The following GASK1B variants were observed in gnomAD, a reference collection of about 807,000 sequenced individuals.
GASK1B encodes Golgi-associated kinase 1B.
Under a neutral mutation model 42.8 loss-of-function variants are expected in GASK1B, and 34 were observed. The ratio of observed to expected loss-of-function variants is 0.79; its 90% confidence interval spans 0.60 to 1.06. The LOEUF (loss-of-function observed/expected upper bound fraction) is 1.06. Among genes scored for constraint, GASK1B ranks in the 50% least tolerant of loss-of-function variants. The pLI is 0.00. For synonymous variants in GASK1B, 262 were observed against 259.1 expected, an observed-to-expected ratio of 1.01 and a Z score of -0.11; for missense variants, 686 against 661.0, an observed-to-expected ratio of 1.04 and a Z score of -0.42.
In GASK1B at chr4:158,124,570, T is replaced by A. The variant is rs1428862050; in HGVS notation, c.*2837A>T. ...TGCTGACATAAACATAAGAATTTCA[T>A]AAGACAGTGTGTAAATAAATCTACT... is the stretch of plus-strand genomic sequence containing the variant. On this transcript the variant is annotated 3_prime_UTR_variant, in exon 5 of 5. Transcript: ENST00000585682. 1 of 152,214 alleles carries A rather than the reference T, an allele frequency of 6.6e-6. No individual in the cohort carries two copies. The allele number at this position is 152,214 out of a possible 1,614,324, so 9.4% of individuals were successfully genotyped here.
intron 4 of GASK1B, among the ~76,000 whole-genome samples, chr4:158,130,313 CTGTCA>C (rs1730627905): frequency 1.3e-5 from 2 of 152,212 alleles, no homozygotes; most frequent in Non-Finnish European, 2.9e-5. Context: ...ACCAGATTGG[CTGTCA>C]TTTTCCACTG....
chr4:158,170,922 G>A lies in GASK1B; in HGVS notation c.454C>T (p.Pro152Ser). The A allele has an allele frequency of 6.2e-7, 1 of 1,614,250 alleles. No individual in the cohort carries two copies. Among genetic ancestry groups the A allele is most frequent in the East Asian group, 2.2e-5 (1 of 44,870 alleles). ...TCAGCTTCCCTTGCCGCTTCCTGCG[G>A]CTGAAGGGATGGTCCGACCAAAGCC... is the stretch of plus-strand genomic sequence containing the variant. ...QEALVGPSLQ[P>S]QEAAREADAV... Residue 152 changes from proline (P) to serine (S), a missense_variant, in exon 2 of 5, where the codon CCG (proline) becomes TCG (serine). Pro to Ser is a moderately conservative substitution (Grantham distance 74). Coordinates refer to ENST00000585682, the MANE Select transcript of GASK1B (RefSeq NM_001128424.2).
chr4:158,130,673 C>T, intron 4 of GASK1B, 113 bp downstream of exon 4: 1 of 846,470 alleles, frequency 1.2e-6, no homozygotes, highest in Non-Finnish European at 1.8e-6. Flanking sequence ...ATTCCACATT[C>T]ACAATTATTT....
chr4:158,159,106 C>T (rs964953665), intron 2 of GASK1B, among the ~76,000 whole-genome samples: 7 of 152,056 alleles, frequency 4.6e-5, no homozygotes, highest in African/African-American at 1.7e-4. Context: ...AATTAATAGC[C>T]TATGTTTTTC....
rs530388674 is a variant in GASK1B, at chr4:158,152,527, G to A, written c.1125+3084C>T. Among the ~76,000 whole-genome samples, 22 of 151,312 alleles carry A rather than the reference G, an allele frequency of 1.5e-4. No individual in the cohort carries two copies. In the South Asian group the frequency reaches 4.6e-3, roughly 32 times the overall value. On this transcript the variant is annotated intron_variant, in intron 3 of 4. Transcript: ENST00000585682. ...AGTATCACCCCAATAGGAAAACCAG[G>A]AAAGGACACAACAAAAAAAAAAGAG...
chr4:158,139,002 G>C (rs1374529541), intron 3 of GASK1B, among the ~76,000 whole-genome samples: 1 of 152,054 alleles, frequency 6.6e-6, no homozygotes, highest in Non-Finnish European at 1.5e-5. Flanking sequence ...AAATATTTCA[G>C]AACTCTGCTA....
rs995744673 is a variant in GASK1B at position 158,131,550 on chromosome 4, G to A, written c.1126-538C>T. Among the ~76,000 whole-genome samples, 17 of 152,210 alleles carry A rather than the reference G, an allele frequency of 1.1e-4. 1 individual carries two copies. The highest frequency in any genetic ancestry group is 1.1e-3 in the Admixed American group (17 of 15,284). Reference sequence around the variant, plus strand: ...TGAGACCAAATCATAAAACCTAAAAGCACTATCTAAATGGAGGCCACAGCT... The same window carrying A: ...TGAGACCAAATCATAAAACCTAAAAACACTATCTAAATGGAGGCCACAGCT... On this transcript the variant is annotated intron_variant, in intron 3 of 4. Coordinates refer to ENST00000585682, the MANE Select transcript of GASK1B (RefSeq NM_001128424.2).
intron 3 of GASK1B, among the ~76,000 whole-genome samples, chr4:158,139,747 T>G (rs1244272322): frequency 6.6e-6 from 1 of 152,220 alleles, no homozygotes. Context: ...GAACTTGCTA[T>G]GCTTTCCAAA....
intron 3 of GASK1B, among the ~76,000 whole-genome samples, chr4:158,149,355 A>G (rs528774136): frequency 2.0e-5 from 3 of 152,236 alleles, no homozygotes; most frequent in Non-Finnish European, 4.4e-5. Context: ...TTTCTTCACT[A>G]TAACACACAA....
At position 158,170,490 on chromosome 4, in the gene GASK1B, T is replaced by G. The variant is rs112344767; in HGVS notation, c.886A>C (p.Ser296Arg). Residue 296 changes from serine to arginine, a missense_variant, in exon 2 of 5, where the codon AGC becomes CGC. Ser to Arg is a moderately radical substitution (Grantham distance 110). Transcript: ENST00000585682. ...LGLNRTLPSV[S>R]RKAEFIQDGR... ...CCTTGGATGAACTCTGCTTTCCTGC[T>G]CACAGACGGCAGGGTCCTGTTGAGC... 2 of 1,614,130 alleles carry G rather than the reference T, an allele frequency of 1.2e-6. No homozygotes were observed. Among genetic ancestry groups the G allele is most frequent in the Admixed American group, 1.7e-5 (1 of 60,012 alleles).
At chr4:158,162,881 G>A (rs969665971) in intron 2 of GASK1B, among the ~76,000 whole-genome samples, 2 of 152,178 alleles carry the variant, frequency 1.3e-5, no homozygotes, top group Admixed American at 6.5e-5. Context: ...AAGGGATAGC[G>A]GGAGGCAGTA....
intron 3 of GASK1B, among the ~76,000 whole-genome samples, chr4:158,155,024 T>C (rs1731705627): frequency 1.3e-5 from 2 of 152,010 alleles, no homozygotes; most frequent in Non-Finnish European, 2.9e-5. Context: ...AAAATTAAAA[T>C]TAAAAAATAA....
chr4:158,160,418 T>C (rs1017168665), intron 2 of GASK1B, among the ~76,000 whole-genome samples: 3 of 152,090 alleles, frequency 2.0e-5, no homozygotes, highest in Non-Finnish European at 1.5e-5. Context: ...TCACCCCTGT[T>C]AGAAGGGCTA....
intron 3 of GASK1B, among the ~76,000 whole-genome samples, chr4:158,136,101 T>C (rs567898822): frequency 2.0e-5 from 3 of 152,204 alleles, no homozygotes; most frequent in Non-Finnish European, 2.9e-5. Context: ...TAACTTTGCA[T>C]TATCTCATCA....
chr4:158,162,058 G>A (rs145501453), intron 2 of GASK1B, among the ~76,000 whole-genome samples: 14 of 152,188 alleles, frequency 9.2e-5, no homozygotes, highest in Non-Finnish European at 1.5e-4. Flanking sequence ...GCTTTCACAC[G>A]TTTTTCATAG....
At chr4:158,127,766 C>G (rs1428513512) in intron 4 of GASK1B, 152 bp from the exon 5 acceptor site, 1 of 646,860 alleles carries the variant, frequency 1.5e-6, no homozygotes, top group East Asian at 2.7e-5. Context: ...CAAGATGACA[C>G]TTCTCTTAAT....
intron 3 of GASK1B, among the ~76,000 whole-genome samples, chr4:158,141,597 CTTTTTTTTTTTTT>C (rs199530247): frequency 1.8e-5 from 2 of 113,694 alleles, no homozygotes; most frequent in Non-Finnish European, 3.5e-5. Flanking sequence ...TTGTATTTAC[CTTTTTTTTTTTTT>C]TTTTTTTTTT....
chr4:158,147,389 T>C (rs897947563), intron 3 of GASK1B, among the ~76,000 whole-genome samples: 8 of 152,004 alleles, frequency 5.3e-5, no homozygotes, highest in African/African-American at 1.9e-4. Context: ...TCACTTGAGC[T>C]CCAGAGTTTG....
chr4:158,150,503 T>C (rs886246224), intron 3 of GASK1B, among the ~76,000 whole-genome samples: 1 of 152,154 alleles, frequency 6.6e-6, no homozygotes, highest in Non-Finnish European at 1.5e-5. Context: ...CCACCTACTA[T>C]ATCATAAGTA....
Sources: allele counts gnomAD v4.1 joint callset (sites outside exome capture counted in the v4.1 genomes callset), GRCh38; gene constraint gnomAD v4.1.1; transcripts MANE v1.5; gene names NCBI Gene and HGNC (gene_info 2026-07-23, HGNC 2026-07-21).